CORIN: variants seen among roughly 807,000 people sequenced by gnomAD.
The protein encoded by CORIN is atrial natriuretic peptide-converting enzyme.
In CORIN, 117 loss-of-function variants were observed where a neutral mutation model predicts 125.3. The ratio of observed to expected loss-of-function variants is 0.93; its 90% CI spans 0.80 to 1.09. The LOEUF is 1.09. Ranked by LOEUF, CORIN falls within the 50% of genes least tolerant of loss-of-function variation. CORIN has a pLI of 0.00. For missense variants in CORIN, 1,253 were observed against 1,306.7 expected (o/e 0.96, Z 0.63); for synonymous variants, 450 against 466.4 (o/e 0.96, Z 0.45).
intron 5 of CORIN, among the ~76,000 whole-genome samples, chr4:47,709,107 C>T (rs1186473438): frequency 6.6e-6 from 1 of 152,074 alleles, no homozygotes; most frequent in African/African-American, 2.4e-5. Flanking sequence ...CAACCCAAAT[C>T]TCTTTGAAAC....
At chr4:47,685,845 T>C (rs1268022269) in intron 6 of CORIN, among the ~76,000 whole-genome samples, 1 of 151,386 alleles carries the variant, frequency 6.6e-6, no homozygotes, top group Non-Finnish European at 1.5e-5. Flanking sequence ...ATGAAAAGTT[T>C]AGCATATTTC....
intron 4 of CORIN, among the ~76,000 whole-genome samples, chr4:47,745,520 C>T (rs1728624174): frequency 6.6e-6 from 1 of 152,174 alleles, no homozygotes; most frequent in African/African-American, 2.4e-5. Context: ...TTAAACAATA[C>T]CTTATTCAAA....
Position 47,680,223 on chromosome 4 carries a change from G to T in CORIN, c.1050C>A (p.Cys350Ter). 1 of 1,613,822 alleles carries T rather than the reference G, an allele frequency of 6.2e-7. No individual in the cohort carries two copies. The highest frequency in any genetic ancestry group is 8.5e-7 in the Non-Finnish European group (1 of 1,179,798). Residue 350 changes from cysteine to a stop codon, truncating the protein, a stop_gained, in exon 8 of 22, where the codon TGC (cysteine) becomes TGA (stop). Coordinates refer to ENST00000273857, the MANE Select transcript of CORIN (RefSeq NM_006587.4). LOFTEE classifies it high-confidence loss of function. Reference sequence around the variant, plus strand: ...CCATGGCGATGCAGCGCCCGTCCCCGCAGCGATGCTCTGTTGTGGGATTGC... The same window carrying T: ...CCATGGCGATGCAGCGCCCGTCCCCTCAGCGATGCTCTGTTGTGGGATTGC... ...CDCNPTTEHRCGDGRCIAMEW... is the reference protein window; with the variant it reads ...CDCNPTTEHR
intron 21 of CORIN, among the ~76,000 whole-genome samples, chr4:47,598,615 T>C (rs80087500): frequency 0.044 from 6,661 of 152,178 alleles, 509 homozygotes; most frequent in African/African-American, 0.15. Context: ...CCAAATGACA[T>C]TGGAGAGAGG....
chr4:47,777,303 A>G, intron 3 of CORIN, among the ~76,000 whole-genome samples: 1 of 152,214 alleles, frequency 6.6e-6, no homozygotes, highest in East Asian at 1.9e-4. Context: ...ACAGCTTAAT[A>G]TAATTACAAA....
intron 19 of CORIN, among the ~76,000 whole-genome samples, chr4:47,620,813 A>G (rs892176723): frequency 6.6e-6 from 1 of 152,194 alleles, no homozygotes; most frequent in African/African-American, 2.4e-5. Flanking sequence ...AGGGATTATT[A>G]TTTCTTTAAT....
chr4:47,676,374 G>A (rs1725018248), intron 9 of CORIN, among the ~76,000 whole-genome samples: 1 of 152,040 alleles, frequency 6.6e-6, no homozygotes, highest in Non-Finnish European at 1.5e-5. Context: ...CGTTCTTTTT[G>A]GTTAACCCCA....
At chr4:47,757,959 G>T (rs897476997) in intron 4 of CORIN, among the ~76,000 whole-genome samples, 27 of 148,172 alleles carry the variant, frequency 1.8e-4, no homozygotes, top group African/African-American at 6.3e-4. Context: ...CATCGTCCAG[G>T]CTGAAGTGCA....
intron 6 of CORIN, among the ~76,000 whole-genome samples, chr4:47,685,773 AGTTTGC>A (rs1725483318): frequency 1.3e-5 from 2 of 152,014 alleles, no homozygotes; most frequent in Non-Finnish European, 2.9e-5. Flanking sequence ...AGTGCAAAAC[AGTTTGC>A]TTAAGGCTGG....
intron 11 of CORIN, among the ~76,000 whole-genome samples, chr4:47,663,379 T>C (rs1320198059): frequency 6.6e-6 from 1 of 152,192 alleles, no homozygotes; most frequent in African/African-American, 2.4e-5. Context: ...AGCAACTATG[T>C]ATTGCTTTAT....
At chr4:47,811,970 T>A (rs1457147786) in intron 1 of CORIN, among the ~76,000 whole-genome samples, 1 of 152,216 alleles carries the variant, frequency 6.6e-6, no homozygotes, top group Non-Finnish European at 1.5e-5. Context: ...TCAGTGTATA[T>A]CTGCATATAT....
At chr4:47,649,780 A>G (rs1723661396) in intron 13 of CORIN, among the ~76,000 whole-genome samples, 1 of 152,246 alleles carries the variant, frequency 6.6e-6, no homozygotes, top group Non-Finnish European at 1.5e-5. Flanking sequence ...CCCCCTTAAC[A>G]TGGAAAATTA....
rs1491342342 is a variant in CORIN, at chr4:47,757,868, A to ATATATTATG, written c.617+5510_617+5511insCATAATATA. Among the ~76,000 whole-genome samples, 439 of 100,900 alleles carry ATATATTATG rather than the reference A, an allele frequency of 4.4e-3. 1 individual carries two copies. Among genetic ancestry groups the ATATATTATG allele is most frequent in the Non-Finnish European group, 5.8e-3 (280 of 48,586 alleles). 66.2% of individuals were successfully genotyped at this position (100,900 alleles called of 152,430 possible). ...GAAATGAGTTTACACATATATATACATATATATATGTATATATATATATAT... is the reference window on the plus strand; with the variant it reads ...GAAATGAGTTTACACATATATATACATATATTATGTATATATATGTATATATATATATAT... On this transcript the variant is annotated intron_variant, in intron 4 of 21. Coordinates refer to ENST00000273857, the MANE Select transcript of CORIN (RefSeq NM_006587.4).
intron 5 of CORIN, among the ~76,000 whole-genome samples, chr4:47,731,738 G>A (rs184842489): frequency 1.4e-4 from 21 of 152,106 alleles, no homozygotes; most frequent in South Asian, 6.2e-4. Context: ...GTGTGGTGGC[G>A]CACACCTGTA....
At chr4:47,695,190 T>A (rs1029548602) in intron 5 of CORIN, among the ~76,000 whole-genome samples, 11 of 152,190 alleles carry the variant, frequency 7.2e-5, no homozygotes, top group African/African-American at 2.7e-4. Flanking sequence ...ACCAAAATAC[T>A]AAGATTTTAC....
intron 5 of CORIN, among the ~76,000 whole-genome samples, chr4:47,738,583 G>C (rs777099936): frequency 2.6e-5 from 4 of 152,126 alleles, no homozygotes; most frequent in Non-Finnish European, 5.9e-5. Flanking sequence ...ACTAATGTTG[G>C]GGGGAAGAAT....
intron 7 of CORIN, 143 bp from the exon 8 acceptor site, chr4:47,680,394 A>G: frequency 3.3e-6 from 2 of 600,928 alleles, no homozygotes; most frequent in Non-Finnish European, 5.9e-6. Context: ...GTCTGGCCCA[A>G]TTAAAATGCC....
At chr4:47,697,324 G>A (rs757174322) in intron 5 of CORIN, among the ~76,000 whole-genome samples, 5 of 152,134 alleles carry the variant, frequency 3.3e-5, no homozygotes, top group Non-Finnish European at 7.4e-5. Context: ...CCTGCCTTCT[G>A]AGGAGGTGAG....
At chr4:47,618,052 G>A (rs754183453) in intron 19 of CORIN, among the ~76,000 whole-genome samples, 10 of 150,708 alleles carry the variant, frequency 6.6e-5, no homozygotes, top group Non-Finnish European at 1.5e-4. Context: ...TAGAAAATGT[G>A]GGCTGAGCGC....
Sources: gnomAD v4.1 joint callset for allele counts (sites outside exome capture counted in the v4.1 genomes callset) on GRCh38, gnomAD v4.1.1 for gene constraint, MANE v1.5 for transcripts, NCBI Gene and HGNC (gene_info 2026-07-23, HGNC 2026-07-21) for gene names.